The following NCAM1 variants were observed in gnomAD, a reference collection of about 807,000 sequenced individuals.
NCAM1 encodes neural cell adhesion molecule 1.
Under a neutral mutation model 109.8 loss-of-function variants are expected in NCAM1, and 14 were observed. That is an observed-to-expected ratio of 0.13 (90% CI 0.08 to 0.20). NCAM1 has a LOEUF of 0.20. Ranked by LOEUF, NCAM1 falls within the 10% of genes least tolerant of loss-of-function variation. NCAM1 has a pLI of 1.00. For missense variants in NCAM1, 774 were observed against 1,109.9 expected, an observed-to-expected ratio of 0.70 and a Z score of 4.30; for synonymous variants, 418 against 442.9, an observed-to-expected ratio of 0.94 and a Z score of 0.70.
At position 113,084,845 on chromosome 11, in the gene NCAM1, C is replaced by T. The variant is rs114459257; in HGVS notation, c.53-117534C>T. ...CAAAGGTGGCAAAAGTGTTAACTAC[C>T]CAGTAGTGTCCTTGTGAGAATGAAA... On this transcript the variant is annotated intron_variant, in intron 1 of 19. Transcript: ENST00000316851. 2.3e-3 allele frequency among the ~76,000 whole-genome samples: 345 copies of T among 152,274 alleles called. 4 individuals carry two copies. Among genetic ancestry groups the T allele is most frequent in the African/African-American group, 8.1e-3 (336 of 41,554 alleles).
intron 1 of NCAM1, among the ~76,000 whole-genome samples, chr11:113,127,716 A>C (rs571510391): frequency 3.9e-5 from 6 of 152,372 alleles, no homozygotes; most frequent in South Asian, 2.1e-4. Context: ...TAAAAAGCTT[A>C]AGTGATTAGT....
At chr11:113,266,779 C>T (rs143969795) in intron 17 of NCAM1, among the ~76,000 whole-genome samples, 39 of 152,274 alleles carry the variant, frequency 2.6e-4, no homozygotes, top group African/African-American at 8.9e-4. Flanking sequence ...TGGGACCTAC[C>T]GAGCATTTTG....
intron 1 of NCAM1, among the ~76,000 whole-genome samples, chr11:112,973,546 C>G (rs1180060193): frequency 1.3e-5 from 2 of 152,098 alleles, no homozygotes; most frequent in African/African-American, 4.8e-5. Flanking sequence ...ACCCACATTT[C>G]GAACTGTGAC....
chr11:113,124,227 G>A (rs533213283), intron 1 of NCAM1, among the ~76,000 whole-genome samples: 18 of 152,228 alleles, frequency 1.2e-4, no homozygotes, highest in Non-Finnish European at 2.5e-4. Flanking sequence ...GAAGGAGGAA[G>A]GAGGGGCAAG....
At chr11:113,250,794 T>TTTTTG (rs1250745859) in intron 15 of NCAM1, among the ~76,000 whole-genome samples, 3 of 152,070 alleles carry the variant, frequency 2.0e-5, no homozygotes, top group Admixed American at 6.6e-5. Context: ...GATGGAGGGC[T>TTTTTG]TTTTGTTTTG....
At chr11:113,215,259 T>C (rs1467210096) in intron 8 of NCAM1, among the ~76,000 whole-genome samples, 1 of 152,178 alleles carries the variant, frequency 6.6e-6, no homozygotes, top group Non-Finnish European at 1.5e-5. Flanking sequence ...CCTTGATTAT[T>C]GAGTGGGCCA....
intron 14 of NCAM1, chr11:113,243,005 G>A (rs1158868795): frequency 6.1e-6 from 6 of 983,886 alleles, no homozygotes; most frequent in South Asian, 4.7e-5. Context: ...TAAGCATGCC[G>A]TCTGCTTGGC....
rs3051887 is a variant in NCAM1, at chr11:113,121,537, C to CAAAAAAAAAAAAAAAAAAA, written c.53-80839_53-80821dup. Among the ~76,000 whole-genome samples, 3 of 92,434 alleles carry CAAAAAAAAAAAAAAAAAAA rather than the reference C, an allele frequency of 3.2e-5. 1 individual carries two copies. Among genetic ancestry groups the CAAAAAAAAAAAAAAAAAAA allele is most frequent in the African/African-American group, 9.1e-5 (2 of 22,002 alleles). The allele number at this position is 92,434 out of a possible 152,430, so 60.6% of individuals were successfully genotyped here. A position where few individuals can be genotyped will look rare whatever the true frequency, so the allele number is the denominator to read the frequency against. On this transcript the variant is annotated intron_variant, in intron 1 of 19. Transcript: ENST00000316851. The stretch of plus-strand genomic sequence containing the variant: ...TGCCTGGCCAACACCACCAATCTTA[C>CAAAAAAAAAAAAAAAAAAA]AAAAAAAAAAAAAAAAAAAAAGGCA...
At chr11:113,270,087 T>C in intron 17 of NCAM1, 101 bp from the exon 18 acceptor site, 1 of 1,116,510 alleles carries the variant, frequency 9.0e-7, no homozygotes, top group South Asian at 1.3e-5. Flanking sequence ...GCCATGACTC[T>C]GTCCTCTGGG....
intron 2 of NCAM1, 89 bp downstream of exon 2, chr11:113,202,542 G>T: frequency 8.6e-7 from 1 of 1,157,190 alleles, no homozygotes; most frequent in Non-Finnish European, 1.2e-6. Flanking sequence ...TGAGCTGGCT[G>T]GTCAAGCCAC....
chr11:113,083,547 C>A (rs936318683), intron 1 of NCAM1, among the ~76,000 whole-genome samples: 10 of 152,122 alleles, frequency 6.6e-5, no homozygotes, highest in African/African-American at 2.4e-4. Flanking sequence ...TGGAGATGCC[C>A]TATGGAAAGC....
chr11:113,108,850 A>C (rs1315268475), intron 1 of NCAM1, among the ~76,000 whole-genome samples: 2 of 148,322 alleles, frequency 1.3e-5, no homozygotes, highest in African/African-American at 2.5e-5. Context: ...ATCTTGGCTC[A>C]CTGCAACCTC....
chr11:113,060,080 G>C (rs187253487), intron 1 of NCAM1, among the ~76,000 whole-genome samples: 105 of 152,314 alleles, frequency 6.9e-4, no homozygotes, highest in Non-Finnish European at 1.2e-3. Context: ...AAATAAAAGA[G>C]TTGAATGTTT....
chr11:113,111,254 G>T (rs771012797), intron 1 of NCAM1, among the ~76,000 whole-genome samples: 2 of 152,016 alleles, frequency 1.3e-5, no homozygotes, highest in East Asian at 1.9e-4. Flanking sequence ...TTCCATAATG[G>T]CCTGTCACAA....
chr11:113,178,344 G>A (rs1237339528), intron 1 of NCAM1, among the ~76,000 whole-genome samples: 1 of 152,170 alleles, frequency 6.6e-6, no homozygotes, highest in Non-Finnish European at 1.5e-5. Flanking sequence ...GCATTAATGT[G>A]TTGACTTAAA....
chr11:113,145,657 A>G (rs1278956014), intron 1 of NCAM1, among the ~76,000 whole-genome samples: 1 of 152,124 alleles, frequency 6.6e-6, no homozygotes, highest in African/African-American at 2.4e-5. Context: ...ATATTTTCCA[A>G]GTCCATGTAA....
At chr11:113,004,931 A>T (rs1951856121) in intron 1 of NCAM1, among the ~76,000 whole-genome samples, 1 of 147,006 alleles carries the variant, frequency 6.8e-6, no homozygotes, top group African/African-American at 2.5e-5. Flanking sequence ...TTTATTGTTT[A>T]TCTTTTGGCC....
intron 1 of NCAM1, among the ~76,000 whole-genome samples, chr11:113,041,438 G>A (rs1354903752): frequency 6.6e-6 from 1 of 152,124 alleles, no homozygotes; most frequent in Non-Finnish European, 1.5e-5. Flanking sequence ...ATGTAATGGG[G>A]ATGACTATCT....
At chr11:113,005,480 T>C (rs1190173817) in intron 1 of NCAM1, among the ~76,000 whole-genome samples, 2 of 152,188 alleles carry the variant, frequency 1.3e-5, no homozygotes, top group Non-Finnish European at 2.9e-5. Flanking sequence ...TCTGGTGTTC[T>C]GGGACTGAGT....
Sources: gnomAD v4.1 joint callset for allele counts (sites outside exome capture counted in the v4.1 genomes callset) on GRCh38, gnomAD v4.1.1 for gene constraint, MANE v1.5 for transcripts, NCBI Gene and HGNC (gene_info 2026-07-23, HGNC 2026-07-21) for gene names.